Variants in CDK8 observed in about 807,000 individuals in gnomAD.
CDK8 encodes cyclin-dependent kinase 8.
CDK8 carries 29 observed loss-of-function variants against 71.5 expected under a neutral mutation model. The observed-to-expected ratio is 0.41, with a 90% CI of 0.30 to 0.55. CDK8 has a LOEUF of 0.55. Among genes scored for constraint, CDK8 ranks in the 20% least tolerant of loss-of-function variants. The pLI, the probability that CDK8 is intolerant of heterozygous loss-of-function variation, is 0.37. For synonymous variants in CDK8, 161 were observed against 192.1 expected (o/e 0.84, Z 1.34); for missense variants, 288 against 572.6 (o/e 0.50, Z 5.07).
chr13:26,347,394 G>C (rs1404805612), intron 2 of CDK8, among the ~76,000 whole-genome samples: 1 of 152,092 alleles, frequency 6.6e-6, no homozygotes, highest in East Asian at 1.9e-4. Context: ...AATGAATGTT[G>C]CATCTTCTAA....
intron 4 of CDK8, among the ~76,000 whole-genome samples, chr13:26,381,647 A>G (rs1875232953): frequency 6.6e-6 from 1 of 152,234 alleles, no homozygotes; most frequent in Middle Eastern, 3.4e-3. Context: ...CTTGCTGATT[A>G]TATTTAGGGC....
At chr13:26,376,897 G>C (rs1383563715) in intron 4 of CDK8, among the ~76,000 whole-genome samples, 1 of 152,218 alleles carries the variant, frequency 6.6e-6, no homozygotes, top group Non-Finnish European at 1.5e-5. Flanking sequence ...ATTGACGAAA[G>C]ACCATTTTAG....
intron 1 of CDK8, among the ~76,000 whole-genome samples, chr13:26,296,306 C>T (rs151272998): frequency 4.3e-4 from 65 of 152,338 alleles, no homozygotes; most frequent in Non-Finnish European, 7.5e-4. Context: ...TACCACCTAT[C>T]TGGTTTCACA....
At chr13:26,262,345 C>G (rs1363004914) in intron 1 of CDK8, among the ~76,000 whole-genome samples, 1 of 152,170 alleles carries the variant, frequency 6.6e-6, no homozygotes, top group Non-Finnish European at 1.5e-5. Flanking sequence ...CTCCCCAGCT[C>G]TTGGCATATT....
rs7995201 is a variant in CDK8 at position 26,333,891 on chromosome 13, C to G, written c.129-3676C>G. Among the ~76,000 whole-genome samples, 972 of 152,224 alleles carry G rather than the reference C, an allele frequency of 6.4e-3. 10 individuals are homozygous for G. Among genetic ancestry groups the G allele is most frequent in the African/African-American group, 0.021 (869 of 41,536 alleles). Reference sequence around the variant, plus strand: ...TTGGATCATTACTGACACTAGTGAACAACTCTTTTTCATCTCCTTTGTATC... The same window carrying G: ...TTGGATCATTACTGACACTAGTGAAGAACTCTTTTTCATCTCCTTTGTATC... On this transcript the variant is annotated intron_variant, in intron 1 of 12. Transcript: ENST00000381527.
At chr13:26,298,509 T>A (rs1271488522) in intron 1 of CDK8, among the ~76,000 whole-genome samples, 1 of 152,160 alleles carries the variant, frequency 6.6e-6, no homozygotes, top group Non-Finnish European at 1.5e-5. Flanking sequence ...GCAAAGTGGA[T>A]GCCCCTCAAA....
intron 6 of CDK8, among the ~76,000 whole-genome samples, chr13:26,387,147 G>T (rs1159645728): frequency 2.0e-5 from 3 of 151,972 alleles, no homozygotes; most frequent in African/African-American, 7.3e-5. Context: ...CTTTTTCATA[G>T]TATCTTGTAT....
chr13:26,372,327 A>C (rs948045127), intron 4 of CDK8, among the ~76,000 whole-genome samples: 3 of 152,250 alleles, frequency 2.0e-5, no homozygotes, highest in Admixed American at 6.5e-5. Context: ...TTGTACAAAT[A>C]GGCAGAAACA....
intron 1 of CDK8, among the ~76,000 whole-genome samples, chr13:26,307,075 A>T (rs1371691447): frequency 6.6e-6 from 1 of 152,214 alleles, no homozygotes; most frequent in African/African-American, 2.4e-5. Context: ...GAGCACCTTT[A>T]TCCTCTACTT....
chr13:26,342,292 C>T (rs1361894295), intron 2 of CDK8, among the ~76,000 whole-genome samples: 1 of 152,184 alleles, frequency 6.6e-6, no homozygotes, highest in Non-Finnish European at 1.5e-5. Context: ...GATCTACATG[C>T]TCTGGCCTCC....
intron 1 of CDK8, among the ~76,000 whole-genome samples, chr13:26,293,582 C>T (rs1292430966): frequency 8.7e-6 from 1 of 115,036 alleles, no homozygotes; most frequent in East Asian, 2.4e-4. Flanking sequence ...CCAGCCTGGG[C>T]AACATAGTGA....
chr13:26,345,519 T>C (rs1041154852), intron 2 of CDK8, among the ~76,000 whole-genome samples: 1 of 152,042 alleles, frequency 6.6e-6, no homozygotes, highest in Non-Finnish European at 1.5e-5. Flanking sequence ...GTAGCTGGGA[T>C]TACAGGTGTG....
intron 2 of CDK8, among the ~76,000 whole-genome samples, chr13:26,346,182 C>T (rs892033731): frequency 2.6e-5 from 4 of 152,230 alleles, no homozygotes; most frequent in African/African-American, 7.2e-5. Context: ...CCTGTTTTCT[C>T]GTTTGTAAAA....
At chr13:26,259,532 G>A (rs747043385) in intron 1 of CDK8, among the ~76,000 whole-genome samples, 6 of 152,046 alleles carry the variant, frequency 3.9e-5, no homozygotes, top group Admixed American at 1.3e-4. Flanking sequence ...TTTGGGGGAC[G>A]GTCCTGGAAC....
At chr13:26,398,736 G>A (rs1375050852) in intron 9 of CDK8, among the ~76,000 whole-genome samples, 1 of 152,092 alleles carries the variant, frequency 6.6e-6, no homozygotes, top group Admixed American at 6.5e-5. Flanking sequence ...CACTTTGGGA[G>A]GCCGAGGCGG....
At chr13:26,276,917 C>T (rs994931226) in intron 1 of CDK8, among the ~76,000 whole-genome samples, 3 of 152,120 alleles carry the variant, frequency 2.0e-5, no homozygotes, top group East Asian at 3.8e-4. Flanking sequence ...CCTCCTTCAC[C>T]CTTGAGTCCA....
At chr13:26,306,826 A>C (rs1398681722) in intron 1 of CDK8, among the ~76,000 whole-genome samples, 2 of 151,774 alleles carry the variant, frequency 1.3e-5, no homozygotes. Flanking sequence ...ACAGGGTTTC[A>C]CCATGTTGGC....
chr13:26,261,716 G>A (rs560079628), intron 1 of CDK8, among the ~76,000 whole-genome samples: 6 of 152,250 alleles, frequency 3.9e-5, no homozygotes, highest in East Asian at 1.9e-4. Flanking sequence ...TCAATTGGGC[G>A]TTTGGGTTGT....
chr13:26,311,579 A>G (rs958135852), intron 1 of CDK8, among the ~76,000 whole-genome samples: 80 of 152,280 alleles, frequency 5.3e-4, no homozygotes, highest in African/African-American at 1.8e-3. Context: ...CGTATTTGTT[A>G]TCCTTAGCAT....
Sources: gnomAD v4.1 joint callset for allele counts (sites outside exome capture counted in the v4.1 genomes callset) on GRCh38, gnomAD v4.1.1 for gene constraint, MANE v1.5 for transcripts, NCBI Gene and HGNC (gene_info 2026-07-23, HGNC 2026-07-21) for gene names.